Variants in RBM20 observed in about 807,000 individuals in gnomAD.
RBM20 encodes the protein RNA-binding protein 20.
A neutral mutation model predicts 110.1 loss-of-function variants in RBM20; 51 were observed. The observed-to-expected ratio is 0.46, with a 90% CI of 0.37 to 0.59. The LOEUF is 0.59. Ranked by LOEUF, RBM20 falls within the 20% of genes least tolerant of loss-of-function variation. The probability of loss-of-function intolerance (pLI) is 0.00; values close to 1 mark genes in which losing one functional copy is unlikely to be tolerated. For missense variants in RBM20, 1,512 were observed against 1,574.9 expected (o/e 0.96, Z 0.68); for synonymous variants, 589 against 618.2 (o/e 0.95, Z 0.70).
chr10:110,803,185 G>A (rs1212742231), intron 7 of RBM20, among the ~76,000 whole-genome samples: 5 of 152,164 alleles, frequency 3.3e-5, no homozygotes, highest in Non-Finnish European at 5.9e-5. Context: ...TATTATCTCA[G>A]TTTTACAGAT....
At chr10:110,664,346 C>T (rs1409057083) in intron 1 of RBM20, among the ~76,000 whole-genome samples, 4 of 152,168 alleles carry the variant, frequency 2.6e-5, no homozygotes, top group African/African-American at 7.2e-5. Context: ...ATTGAAGGGG[C>T]TCCCCCTGTC....
chr10:110,753,564 C>T (rs913011456), intron 1 of RBM20, among the ~76,000 whole-genome samples: 4 of 152,132 alleles, frequency 2.6e-5, no homozygotes, highest in African/African-American at 7.2e-5. Flanking sequence ...GAACTCTTTG[C>T]GTGCCTGAAA....
At chr10:110,705,794 C>T (rs537780578) in intron 1 of RBM20, among the ~76,000 whole-genome samples, 10 of 152,286 alleles carry the variant, frequency 6.6e-5, no homozygotes, top group African/African-American at 9.6e-5. Flanking sequence ...AGACTACTGA[C>T]GCTTGGCCGG....
intron 1 of RBM20, among the ~76,000 whole-genome samples, chr10:110,737,883 G>A (rs1219574521): frequency 6.6e-6 from 1 of 152,096 alleles, no homozygotes; most frequent in Non-Finnish European, 1.5e-5. Context: ...CGTGTCTTTT[G>A]GAGAACATAT....
chr10:110,720,016 C>T (rs1370727784), intron 1 of RBM20, among the ~76,000 whole-genome samples: 2 of 151,944 alleles, frequency 1.3e-5, no homozygotes, highest in African/African-American at 2.4e-5. Context: ...TTGCTGTACC[C>T]TCCTATGGCA....
rs1286165001 is a variant in RBM20 at position 110,780,804 on chromosome 10, C to T, written c.195C>T (p.Ala65=). ...CTAGACCTCTGTCTTCCCACAGTGC[C>T]GCCAAGCTCCTGGACAAGAACCCAT... ...QAGLPQIIQN[A]AKLLDKNPFS... Residue 65 remains alanine (A), a synonymous_variant, in exon 2 of 14, where the codon GCC becomes GCT. Coordinates refer to ENST00000369519, the MANE Select transcript of RBM20 (RefSeq NM_001134363.3). 4.0e-6 allele frequency: 6 copies of T among 1,513,350 alleles called. No individual in the cohort carries two copies. Among genetic ancestry groups the T allele is most frequent in the Non-Finnish European group, 5.3e-6 (6 of 1,125,888 alleles). The allele number at this position is 1,513,350 out of a possible 1,614,324, so 93.7% of individuals were successfully genotyped here.
At chr10:110,710,548 T>C (rs1862909854) in intron 1 of RBM20, among the ~76,000 whole-genome samples, 3 of 152,236 alleles carry the variant, frequency 2.0e-5, no homozygotes, top group African/African-American at 7.2e-5. Context: ...GCCTCCCAGT[T>C]AAACTCCCAG....
intron 12 of RBM20, among the ~76,000 whole-genome samples, chr10:110,825,160 G>C (rs1844968020): frequency 6.6e-6 from 1 of 152,060 alleles, no homozygotes; most frequent in African/African-American, 2.4e-5. Flanking sequence ...GGGTATTTTA[G>C]CTCTAGAAAA....
At chr10:110,706,500 C>T (rs566592991) in intron 1 of RBM20, among the ~76,000 whole-genome samples, 30 of 152,210 alleles carry the variant, frequency 2.0e-4, no homozygotes, top group Non-Finnish European at 3.2e-4. Flanking sequence ...GGAAATGCAA[C>T]GGTTCTGTTT....
chr10:110,800,506 C>G (rs1483104046), intron 7 of RBM20, among the ~76,000 whole-genome samples: 3 of 152,144 alleles, frequency 2.0e-5, no homozygotes, highest in Non-Finnish European at 2.9e-5. Flanking sequence ...TATAACAGAA[C>G]ACACAGAAAA....
chr10:110,646,262 C>T (rs747001140), intron 1 of RBM20, among the ~76,000 whole-genome samples: 35 of 152,074 alleles, frequency 2.3e-4, no homozygotes, highest in Non-Finnish European at 4.9e-4. Context: ...TGTAGAAGGG[C>T]GTCTGATTAT....
Position 110,691,172 on chromosome 10 carries a change from G to A in RBM20, c.191+46527G>A, listed in dbSNP as rs537819056. ...AGTAGGAGAATACAGTCCCAAGTTAGAAGGAGTGCTTTCACCAGACACCAG... is the reference window on the plus strand; with the variant it reads ...AGTAGGAGAATACAGTCCCAAGTTAAAAGGAGTGCTTTCACCAGACACCAG... On this transcript the variant is annotated intron_variant, in intron 1 of 13. Coordinates refer to ENST00000369519, the MANE Select transcript of RBM20 (RefSeq NM_001134363.3). 3.8e-4 allele frequency among the ~76,000 whole-genome samples: 58 copies of A among 152,308 alleles called. No homozygotes were observed. The South Asian group carries it at 9.9e-3, about 26-fold the overall frequency.
intron 1 of RBM20, among the ~76,000 whole-genome samples, chr10:110,710,830 T>G (rs1439513483): frequency 6.6e-6 from 1 of 152,158 alleles, no homozygotes; most frequent in Non-Finnish European, 1.5e-5. Flanking sequence ...ACAGGCTTCA[T>G]GTGAGTCCCA....
chr10:110,736,457 T>C (rs1843670814), intron 1 of RBM20, among the ~76,000 whole-genome samples: 1 of 152,228 alleles, frequency 6.6e-6, no homozygotes, highest in Non-Finnish European at 1.5e-5. Context: ...CTTTTTGGAT[T>C]AGGTCATTGA....
chr10:110,716,671 T>C (rs1863021897), intron 1 of RBM20, among the ~76,000 whole-genome samples: 1 of 152,088 alleles, frequency 6.6e-6, no homozygotes, highest in Non-Finnish European at 1.5e-5. Context: ...CCCAGCACTT[T>C]GGGAGACCGA....
intron 1 of RBM20, among the ~76,000 whole-genome samples, chr10:110,653,007 A>G (rs560730808): frequency 1.3e-5 from 2 of 152,270 alleles, no homozygotes; most frequent in African/African-American, 4.8e-5. Context: ...ACAGAAGCCA[A>G]CCATCACATT....
chr10:110,810,173 G>C (rs1047131558), intron 7 of RBM20, among the ~76,000 whole-genome samples: 10 of 152,048 alleles, frequency 6.6e-5, no homozygotes, highest in African/African-American at 2.2e-4. Flanking sequence ...CAGCTCAATG[G>C]ACCACTCAGT....
chr10:110,789,013 C>T (rs1264162256), intron 5 of RBM20, among the ~76,000 whole-genome samples: 1 of 152,230 alleles, frequency 6.6e-6, no homozygotes, highest in Non-Finnish European at 1.5e-5. Flanking sequence ...TCACAGAGAT[C>T]CCATTTTCCT....
intron 1 of RBM20, among the ~76,000 whole-genome samples, chr10:110,673,507 G>C (rs1035826738): frequency 5.3e-5 from 8 of 152,210 alleles, no homozygotes; most frequent in Non-Finnish European, 1.0e-4. Context: ...ACCATGCCCA[G>C]CATCCAAATG....
Sources: gnomAD v4.1 joint callset for allele counts (sites outside exome capture counted in the v4.1 genomes callset) on GRCh38, gnomAD v4.1.1 for gene constraint, MANE v1.5 for transcripts, NCBI Gene and HGNC (gene_info 2026-07-23, HGNC 2026-07-21) for gene names.